ITGA1: variants seen among roughly 807,000 people sequenced by gnomAD.
The protein encoded by ITGA1 is integrin subunit alpha 1, also known as integrin alpha-1.
Under a neutral mutation model 145.9 loss-of-function variants are expected in ITGA1, and 85 were observed. The observed-to-expected ratio is 0.58, with a 90% CI of 0.49 to 0.70. The LOEUF (loss-of-function observed/expected upper bound fraction) is 0.70, where lower values mean the gene tolerates loss of function less well. Among genes scored for constraint, ITGA1 ranks in the 30% least tolerant of loss-of-function variants. The pLI, the probability that ITGA1 is intolerant of heterozygous loss-of-function variation, is 0.00. For synonymous variants in ITGA1, 520 were observed against 495.3 expected (o/e 1.05, Z -0.66); for missense variants, 1,351 against 1,418.7 (o/e 0.95, Z 0.77).
chr5:52,914,639 C>T (rs1047539876), intron 14 of ITGA1, among the ~76,000 whole-genome samples: 4 of 150,846 alleles, frequency 2.7e-5, no homozygotes, highest in African/African-American at 7.4e-5. Context: ...CGAGCCTCAC[C>T]TGTTTAAGGA....
At chr5:52,923,425 A>G (rs1750759145) in intron 18 of ITGA1, among the ~76,000 whole-genome samples, 1 of 151,970 alleles carries the variant, frequency 6.6e-6, no homozygotes, top group Admixed American at 6.6e-5. Flanking sequence ...TAAATAGACT[A>G]GAAAAAAAAA....
At chr5:52,830,104 T>TA (rs950488218) in intron 1 of ITGA1, among the ~76,000 whole-genome samples, 2 of 152,104 alleles carry the variant, frequency 1.3e-5, no homozygotes, top group South Asian at 2.1e-4. Context: ...TCCCTAAACA[T>TA]AAAAAAGCCA....
chr5:52,925,394 C>A lies in ITGA1; in HGVS notation c.2520C>A (p.Asn840Lys). The A allele has an allele frequency of 6.2e-7, 1 of 1,613,984 alleles. No homozygotes were observed. Among genetic ancestry groups the A allele is most frequent in the Non-Finnish European group, 8.5e-7 (1 of 1,179,834 alleles). ...LIVRSQNDKF[N>K]VSLTVKNTKD... ...TCCGATCCCAGAATGATAAGTTCAA[C>A]GTTAGCCTCACAGTCAAAAATACAA... is the stretch of plus-strand genomic sequence containing the variant. The change falls in exon 19 of 29, where the codon AAC (asparagine) becomes AAA (lysine). Residue 840 changes from asparagine (N) to lysine (K), a missense_variant. Coordinates refer to ENST00000282588, the MANE Select transcript of ITGA1 (RefSeq NM_181501.2).
intron 14 of ITGA1, among the ~76,000 whole-genome samples, chr5:52,914,320 ATCTCCT>A (rs1750608786): frequency 2.6e-5 from 4 of 152,146 alleles, no homozygotes; most frequent in Non-Finnish European, 5.9e-5. Context: ...GGAGTCAGAT[ATCTCCT>A]GAATTCTTCA....
chr5:52,890,256 C>T (rs1473084665), intron 8 of ITGA1, among the ~76,000 whole-genome samples: 1 of 151,942 alleles, frequency 6.6e-6, no homozygotes, highest in African/African-American at 2.4e-5. Flanking sequence ...CCATACATAT[C>T]CAAAAAAATA....
chr5:52,822,159 T>C (rs1358711947), intron 1 of ITGA1, among the ~76,000 whole-genome samples: 1 of 152,160 alleles, frequency 6.6e-6, no homozygotes, highest in Admixed American at 6.5e-5. Flanking sequence ...TTCCAAATGG[T>C]GTTCATATGT....
At chr5:52,804,237 C>T (rs1424323244) in intron 1 of ITGA1, among the ~76,000 whole-genome samples, 1 of 152,164 alleles carries the variant, frequency 6.6e-6, no homozygotes, top group Admixed American at 6.6e-5. Flanking sequence ...AAAACTCTAT[C>T]GATAACTCCA....
At chr5:52,856,112 C>A (rs531762385) in intron 2 of ITGA1, among the ~76,000 whole-genome samples, 1 of 152,284 alleles carries the variant, frequency 6.6e-6, no homozygotes, top group South Asian at 2.1e-4. Context: ...AAACTCCAGA[C>A]CTTTTCCTCC....
intron 22 of ITGA1, chr5:52,933,084 CAG>C (rs1050566745): frequency 2.0e-4 from 30 of 151,916 alleles, no homozygotes; most frequent in African/African-American, 6.8e-4. Context: ...AGCAACTAAA[CAG>C]GGTAATTGGA....
chr5:52,921,903 A>C (rs1276981503), intron 17 of ITGA1, among the ~76,000 whole-genome samples: 1 of 152,196 alleles, frequency 6.6e-6, no homozygotes, highest in Non-Finnish European at 1.5e-5. Flanking sequence ...ATTTGCAATA[A>C]TGTATATAAA....
chr5:52,845,261 AC>A (rs1048877237), intron 1 of ITGA1, among the ~76,000 whole-genome samples: 4 of 152,210 alleles, frequency 2.6e-5, no homozygotes, highest in Admixed American at 1.3e-4. Flanking sequence ...GGTGAAATTG[AC>A]CCTGATTAAA....
intron 6 of ITGA1, among the ~76,000 whole-genome samples, chr5:52,881,216 T>C (rs1043400289): frequency 3.3e-5 from 5 of 152,236 alleles, no homozygotes; most frequent in Admixed American, 3.3e-4. Flanking sequence ...CTACATAACC[T>C]GATTATTCCT....
chr5:52,805,782 C>T (rs892598864), intron 1 of ITGA1, among the ~76,000 whole-genome samples: 1 of 152,004 alleles, frequency 6.6e-6, no homozygotes, highest in Admixed American at 6.6e-5. Flanking sequence ...TGATTTGTCT[C>T]ACCAGACAAA....
At position 52,815,327 on chromosome 5, in the gene ITGA1, G is replaced by A. The variant is rs76255385; in HGVS notation, c.61+26913G>A. Among the ~76,000 whole-genome samples the A allele has an allele frequency of 0.015, 2,331 of 152,244 alleles. 124 individuals carry two copies. The East Asian group carries it at 0.21, about 14-fold the overall frequency. On this transcript the variant is annotated intron_variant, in intron 1 of 28. Transcript: ENST00000282588. ...GCTAGGTTTTGGGAGCCTGGGATGG[G>A]GGAAAACAGTAGAGGAGACATACTT...
At chr5:52,923,791 G>T (rs1382207887) in intron 18 of ITGA1, among the ~76,000 whole-genome samples, 1 of 152,152 alleles carries the variant, frequency 6.6e-6, no homozygotes, top group Admixed American at 6.5e-5. Context: ...GCAGTGTATG[G>T]TTTAGGTATA....
chr5:52,803,392 C>T (rs1748527416), intron 1 of ITGA1: 1 of 152,116 alleles, frequency 6.6e-6, no homozygotes, highest in Admixed American at 6.6e-5. Flanking sequence ...AATGAAGCCA[C>T]TGAGATCCTT....
intron 20 of ITGA1, among the ~76,000 whole-genome samples, chr5:52,928,286 G>A (rs975086463): frequency 6.6e-6 from 1 of 152,090 alleles, no homozygotes; most frequent in Non-Finnish European, 1.5e-5. Flanking sequence ...ATGGAGCTGG[G>A]AAATTCTGTT....
At chr5:52,916,377 G>A (rs371048431) in intron 15 of ITGA1, among the ~76,000 whole-genome samples, 20 of 152,130 alleles carry the variant, frequency 1.3e-4, no homozygotes, top group Admixed American at 5.9e-4. Context: ...TGGGAAGTCC[G>A]CATGTTGATT....
chr5:52,797,464 GA>G (rs563080637), intron 1 of ITGA1, among the ~76,000 whole-genome samples: 166 of 143,546 alleles, frequency 1.2e-3, no homozygotes, highest in African/African-American at 3.0e-3. Flanking sequence ...TGGACAGAAG[GA>G]AAAAAAAAAA....
Sources: gnomAD v4.1 joint callset for allele counts (sites outside exome capture counted in the v4.1 genomes callset) on GRCh38, gnomAD v4.1.1 for gene constraint, MANE v1.5 for transcripts, NCBI Gene and HGNC (gene_info 2026-07-23, HGNC 2026-07-21) for gene names.